The following HPSE2 variants were observed in gnomAD, a reference collection of about 807,000 sequenced individuals.
The protein encoded by HPSE2 is heparanase 2 (inactive), also known as inactive heparanase-2.
In HPSE2, 38 loss-of-function variants were observed where a neutral mutation model predicts 60.5. That is an observed-to-expected ratio of 0.63 (90% confidence interval 0.48 to 0.82). The LOEUF is 0.82. Among genes scored for constraint, HPSE2 ranks in the 40% least tolerant of loss-of-function variants. HPSE2 has a pLI of 0.00. For missense variants in HPSE2, 713 were observed against 740.4 expected (o/e 0.96, Z 0.43); for synonymous variants, 295 against 293.2 (o/e 1.01, Z -0.06).
intron 9 of HPSE2, among the ~76,000 whole-genome samples, chr10:98,568,555 G>A (rs1589433888): frequency 6.6e-6 from 1 of 152,206 alleles, no homozygotes; most frequent in Non-Finnish European, 1.5e-5. Flanking sequence ...GTCCTTTAAG[G>A]TTCTCAGGTT....
At chr10:99,036,802 C>T (rs1957619475) in intron 3 of HPSE2, among the ~76,000 whole-genome samples, 1 of 152,096 alleles carries the variant, frequency 6.6e-6, no homozygotes, top group Non-Finnish European at 1.5e-5. Flanking sequence ...TAACATATGT[C>T]CAGAAATCCC....
At chr10:99,311,513 G>C in the HPSE2 span, among the ~76,000 whole-genome samples, 1 of 152,136 alleles carries the variant, frequency 6.6e-6, no homozygotes, top group Non-Finnish European at 1.5e-5. Context: ...TATTGTAGTT[G>C]TTTAGGGGTG....
chr10:98,650,463 G>T (rs1946886385), intron 6 of HPSE2, among the ~76,000 whole-genome samples: 1 of 152,226 alleles, frequency 6.6e-6, no homozygotes, highest in African/African-American at 2.4e-5. Flanking sequence ...CATAATAGAA[G>T]AGGTTTTCCT....
At chr10:98,627,194 G>C (rs1946241706) in intron 7 of HPSE2, among the ~76,000 whole-genome samples, 1 of 152,204 alleles carries the variant, frequency 6.6e-6, no homozygotes, top group Non-Finnish European at 1.5e-5. Flanking sequence ...CATAGACTCT[G>C]TGTAAATAAA....
chr10:99,122,540 A>T (rs1165663144), intron 3 of HPSE2, among the ~76,000 whole-genome samples: 1 of 151,972 alleles, frequency 6.6e-6, no homozygotes, highest in East Asian at 1.9e-4. Flanking sequence ...TTACACCAGA[A>T]AAAAACTTAC....
chr10:99,243,016 T>C, the HPSE2 span, among the ~76,000 whole-genome samples: 6 of 152,168 alleles, frequency 3.9e-5, no homozygotes, highest in Non-Finnish European at 4.4e-5. Context: ...TTTATGCTCA[T>C]AGCATAAAAA....
chr10:99,085,790 C>T (rs943064718), intron 3 of HPSE2, among the ~76,000 whole-genome samples: 2 of 152,168 alleles, frequency 1.3e-5, no homozygotes, highest in African/African-American at 4.8e-5. Context: ...GTTTAGCATT[C>T]AAAGGTCAAA....
At chr10:99,154,658 A>G (rs1396876377) in intron 2 of HPSE2, among the ~76,000 whole-genome samples, 5 of 151,754 alleles carry the variant, frequency 3.3e-5, no homozygotes, top group African/African-American at 4.8e-5. Context: ...ATGCCAAAAT[A>G]TAAAGACCAT....
intron 4 of HPSE2, among the ~76,000 whole-genome samples, chr10:98,728,930 G>A (rs999386477): frequency 1.3e-5 from 2 of 152,110 alleles, no homozygotes; most frequent in Non-Finnish European, 2.9e-5. Flanking sequence ...AATCGCTTGA[G>A]TCCAAGAGGT....
chr10:99,200,674 A>C (rs200250107), intron 2 of HPSE2, among the ~76,000 whole-genome samples: 1 of 151,724 alleles, frequency 6.6e-6, no homozygotes, highest in Non-Finnish European at 1.5e-5. Flanking sequence ...TCAATAATAA[A>C]ATGATGACAA....
At chr10:98,644,272 A>G (rs1946709563) in intron 6 of HPSE2, among the ~76,000 whole-genome samples, 1 of 152,196 alleles carries the variant, frequency 6.6e-6, no homozygotes, top group Non-Finnish European at 1.5e-5. Context: ...CCTGTCATAT[A>G]AAAGCTATTC....
At chr10:98,502,806 A>T (rs1006486125) in intron 9 of HPSE2, among the ~76,000 whole-genome samples, 1 of 152,264 alleles carries the variant, frequency 6.6e-6, no homozygotes, top group African/African-American at 2.4e-5. Context: ...ATCTACAACG[A>T]ACTCAAACAA....
chr10:99,076,146 T>C (rs1450935374), intron 3 of HPSE2, among the ~76,000 whole-genome samples: 1 of 151,992 alleles, frequency 6.6e-6, no homozygotes, highest in Non-Finnish European at 1.5e-5. Context: ...CTGTCTTCCC[T>C]TGTTTTTCAT....
At chr10:99,166,210 G>A (rs914169703) in intron 2 of HPSE2, among the ~76,000 whole-genome samples, 6 of 152,146 alleles carry the variant, frequency 3.9e-5, no homozygotes, top group African/African-American at 1.4e-4. Flanking sequence ...TTCACCCACT[G>A]AAGGAAATCC....
chr10:99,093,089 A>G (rs905862064), intron 3 of HPSE2, among the ~76,000 whole-genome samples: 3 of 152,020 alleles, frequency 2.0e-5, no homozygotes, highest in African/African-American at 7.2e-5. Flanking sequence ...TTAACCGGGC[A>G]TGGTGGTGTG....
At chr10:99,278,086 C>T in the HPSE2 span, among the ~76,000 whole-genome samples, 1 of 61,400 alleles carries the variant, frequency 1.6e-5, no homozygotes, top group South Asian at 7.0e-4. Context: ...GCGAGACTCC[C>T]TCTCAAAAAA....
rs146093778 is a variant in HPSE2 at position 98,674,683 on chromosome 10, G to A, written c.1004+19217C>T. 2.6e-3 allele frequency among the ~76,000 whole-genome samples: 402 copies of A among 152,330 alleles called. 3 individuals carry two copies. The highest frequency in any genetic ancestry group is 9.2e-3 in the African/African-American group (382 of 41,568). Reference sequence around the variant, plus strand: ...TAATCCCAGCACTTTGGGAGGCTGAGGTGGGCAGATCACCTGAGGTCAGGA... The same window carrying A: ...TAATCCCAGCACTTTGGGAGGCTGAAGTGGGCAGATCACCTGAGGTCAGGA... On this transcript the variant is annotated intron_variant, in intron 6 of 11. Transcript: ENST00000370552.
At chr10:99,286,377 T>C in the HPSE2 span, among the ~76,000 whole-genome samples, 1 of 152,198 alleles carries the variant, frequency 6.6e-6, no homozygotes, top group Non-Finnish European at 1.5e-5. Flanking sequence ...CACAATGGAA[T>C]AGTCAGCCAT....
intron 9 of HPSE2, among the ~76,000 whole-genome samples, chr10:98,542,886 C>T (rs1474471579): frequency 3.3e-5 from 5 of 152,064 alleles, no homozygotes; most frequent in African/African-American, 1.2e-4. Flanking sequence ...AGAATGGAAC[C>T]AAGTTGGAAA....
Sources: allele counts gnomAD v4.1 joint callset (sites outside exome capture counted in the v4.1 genomes callset), GRCh38; gene constraint gnomAD v4.1.1; transcripts MANE v1.5; gene names NCBI Gene and HGNC (gene_info 2026-07-23, HGNC 2026-07-21).